Variants in VOPP1 observed in about 807,000 individuals in gnomAD.
The protein encoded by VOPP1 is WW domain binding protein VOPP1.
Under a neutral mutation model 23.5 loss-of-function variants are expected in VOPP1, and 8 were observed. That is an observed-to-expected ratio of 0.34 (90% CI 0.20 to 0.61). The LOEUF (loss-of-function observed/expected upper bound fraction) is 0.61, where lower values mean the gene tolerates loss of function less well. Among genes scored for constraint, VOPP1 ranks in the 20% least tolerant of loss-of-function variants. VOPP1 has a pLI of 0.78. For missense variants in VOPP1, 174 were observed against 238.1 expected (o/e 0.73, Z 1.77); for synonymous variants, 83 against 97.3 (o/e 0.85, Z 0.86).
At chr7:55,521,630 A>C in intron 1 of VOPP1, 1 of 987,426 alleles carries the variant, frequency 1.0e-6, no homozygotes. Flanking sequence ...TCTCACGTGC[A>C]GGAAGAGAAA....
chr7:55,520,993 C>T (rs1795808870), intron 2 of VOPP1, 79 bp downstream of exon 2: 2 of 1,476,126 alleles, frequency 1.4e-6, no homozygotes, highest in East Asian at 2.5e-5. Context: ...CCCCATCCCA[C>T]ACCCAGAACT....
At chr7:55,494,017 T>C (rs1288774417) in intron 3 of VOPP1, among the ~76,000 whole-genome samples, 1 of 151,982 alleles carries the variant, frequency 6.6e-6, no homozygotes, top group African/African-American at 2.4e-5. Context: ...AGAAGGGGCA[T>C]TCTGGGTGGA....
At chr7:55,473,937 CCT>C (rs34504240) in intron 4 of VOPP1, among the ~76,000 whole-genome samples, 1,651 of 152,272 alleles carry the variant, frequency 0.011, 23 homozygotes, top group Non-Finnish European at 0.019. Flanking sequence ...CAATTCTCCC[CCT>C]GACACAGTGT....
chr7:55,528,467 G>C (rs1323570468), intron 1 of VOPP1, among the ~76,000 whole-genome samples: 1 of 152,176 alleles, frequency 6.6e-6, no homozygotes, highest in African/African-American at 2.4e-5. Flanking sequence ...GTGAAAACTG[G>C]ATATGAAAAG....
chr7:55,519,048 C>T (rs926310906), intron 2 of VOPP1, among the ~76,000 whole-genome samples: 1 of 152,068 alleles, frequency 6.6e-6, no homozygotes, highest in Non-Finnish European at 1.5e-5. Context: ...TCATGAGATC[C>T]GAAGACCTTA....
At chr7:55,458,490 G>C (rs993970737) in intron 4 of VOPP1, among the ~76,000 whole-genome samples, 1 of 152,048 alleles carries the variant, frequency 6.6e-6, no homozygotes, top group Admixed American at 6.6e-5. Context: ...AGATTGCTTT[G>C]AATCAAGTTT....
At chr7:55,524,806 G>A (rs2129043476) in intron 1 of VOPP1, among the ~76,000 whole-genome samples, 1 of 152,260 alleles carries the variant, frequency 6.6e-6, no homozygotes, top group South Asian at 2.1e-4. Context: ...CCAGGGTTGA[G>A]AGCCGGGTGC....
chr7:55,499,975 G>A (rs1426482339), intron 2 of VOPP1, among the ~76,000 whole-genome samples: 3 of 152,146 alleles, frequency 2.0e-5, no homozygotes, highest in East Asian at 3.9e-4. Flanking sequence ...GGGAGCAGTC[G>A]AGGGAGATGA....
intron 1 of VOPP1, among the ~76,000 whole-genome samples, chr7:55,565,673 T>C (rs898675125): frequency 2.0e-5 from 3 of 152,222 alleles, no homozygotes; most frequent in African/African-American, 7.2e-5. Context: ...TGAGGTGTGG[T>C]GGATTAGCAG....
chr7:55,475,402 C>A (rs980336909), intron 4 of VOPP1, among the ~76,000 whole-genome samples: 1 of 152,160 alleles, frequency 6.6e-6, no homozygotes, highest in East Asian at 1.9e-4. Context: ...CCGGCAGCCT[C>A]CACTGCCGGG....
rs1371057970 is a variant in VOPP1, at chr7:55,493,338, C to G, written c.192-920G>C. The G allele has an allele frequency of 2.0e-5, 3 of 152,286 alleles. No individual in the cohort carries two copies. In the South Asian group the frequency reaches 6.2e-4, roughly 32 times the overall value. The allele number at this position is 152,286 out of a possible 1,614,324, so 9.4% of individuals were successfully genotyped here. The stretch of plus-strand genomic sequence containing the variant: ...TGGAACTGTCCAGAAGCCATGCAGA[C>G]ACCCACACGGTGAGGGCACCTGCTG... On this transcript the variant is annotated intron_variant, in intron 3 of 4. Transcript: ENST00000285279.
At chr7:55,570,665 G>C (rs568354135) in intron 1 of VOPP1, among the ~76,000 whole-genome samples, 13 of 152,272 alleles carry the variant, frequency 8.5e-5, no homozygotes, top group African/African-American at 3.1e-4. Context: ...TTGCAGGGCC[G>C]GGCGCGGTGG....
chr7:55,449,516 A>G (rs1343396685), intron 4 of VOPP1, among the ~76,000 whole-genome samples: 2 of 152,194 alleles, frequency 1.3e-5, no homozygotes, highest in African/African-American at 4.8e-5. Flanking sequence ...GTCTCGGAGA[A>G]GGGCGCGGCC....
intron 2 of VOPP1, among the ~76,000 whole-genome samples, chr7:55,516,917 TATATATATATATA>T (rs1795453440): frequency 5.9e-5 from 2 of 33,908 alleles, no homozygotes; most frequent in African/African-American, 1.4e-4. Context: ...TATATATATA[TATATATATATATA>T]TATTTTTTTT....
chr7:55,502,158 T>G (rs748246245), intron 2 of VOPP1, among the ~76,000 whole-genome samples: 1 of 152,260 alleles, frequency 6.6e-6, no homozygotes, highest in South Asian at 2.1e-4. Context: ...CTATTTCCCA[T>G]GCTGGAGAGA....
At chr7:55,479,266 T>C (rs1279786530) in intron 4 of VOPP1, among the ~76,000 whole-genome samples, 1 of 152,080 alleles carries the variant, frequency 6.6e-6, no homozygotes, top group Non-Finnish European at 1.5e-5. Context: ...TAACTCGTCA[T>C]TTAGCGTTAG....
intron 1 of VOPP1, among the ~76,000 whole-genome samples, chr7:55,558,554 C>T (rs1442170791): frequency 6.6e-6 from 1 of 152,118 alleles, no homozygotes; most frequent in African/African-American, 2.4e-5. Context: ...GACCCTGCCA[C>T]CCCAGAGACA....
Position 55,529,420 on chromosome 7 carries a change from C to T in VOPP1, c.55-8290G>A, listed in dbSNP as rs144718555. Among the ~76,000 whole-genome samples the T allele has an allele frequency of 5.2e-4, 78 of 150,300 alleles. No individual in the cohort carries two copies. The East Asian group carries it at 0.012, about 23-fold the overall frequency. ...CTCAATGAGTGCAAAAGACTGGATT[C>T]GCTGCAAGACCCAACACACATGTGC... On this transcript the variant is annotated intron_variant, in intron 1 of 4. Transcript: ENST00000285279.
Position 55,556,637 on chromosome 7 carries a change from C to T in VOPP1, c.54+15634G>A, listed in dbSNP as rs950337902. On this transcript the variant is annotated intron_variant, in intron 1 of 4. Coordinates refer to ENST00000285279, the MANE Select transcript of VOPP1 (RefSeq NM_030796.5). ...CAAATAAACCTAAAAGCTGTTGGAACCCCCCCCCAAAACACTTCAAGCTTT... is the reference window on the plus strand; with the variant it reads ...CAAATAAACCTAAAAGCTGTTGGAATCCCCCCCCAAAACACTTCAAGCTTT... Among the ~76,000 whole-genome samples, 14 of 6,794 alleles carry T rather than the reference C, an allele frequency of 2.1e-3. No homozygotes were observed. In the South Asian group the frequency reaches 0.045, roughly 22 times the overall value. The allele number at this position is 6,794 out of a possible 152,430, so 4.5% of individuals were successfully genotyped here.
Sources: gnomAD v4.1 joint callset for allele counts (sites outside exome capture counted in the v4.1 genomes callset) on GRCh38, gnomAD v4.1.1 for gene constraint, MANE v1.5 for transcripts, NCBI Gene and HGNC (gene_info 2026-07-23, HGNC 2026-07-21) for gene names.